STK32B: variants seen among roughly 807,000 people sequenced by gnomAD.
STK32B encodes the protein serine/threonine-protein kinase 32B.
STK32B carries 43 observed loss-of-function variants against 52.6 expected under a neutral mutation model. The ratio of observed to expected loss-of-function variants is 0.82; its 90% CI spans 0.64 to 1.05. STK32B has a LOEUF of 1.05. Among genes scored for constraint, STK32B ranks in the 50% least tolerant of loss-of-function variants. STK32B has a pLI of 0.00. For missense variants in STK32B, 621 were observed against 534.6 expected (o/e 1.16, Z -1.59); for synonymous variants, 238 against 204.3 (o/e 1.17, Z -1.41).
At chr4:5,155,964 T>C (rs1396257290) in intron 2 of STK32B, among the ~76,000 whole-genome samples, 2 of 152,074 alleles carry the variant, frequency 1.3e-5, no homozygotes, top group Non-Finnish European at 2.9e-5. Context: ...TACATAGATA[T>C]GCATATACAT....
At chr4:5,144,784 TCATCCATCCATCCATCCATCCATCCATC>T (rs112099943) in intron 2 of STK32B, among the ~76,000 whole-genome samples, 32 of 95,616 alleles carry the variant, frequency 3.3e-4, no homozygotes, top group African/African-American at 6.9e-4. Context: ...ACTCATTCAC[TCATCCATCCATCCATCCATCCATCCATC>T]CATCCATCCA....
intron 3 of STK32B, among the ~76,000 whole-genome samples, chr4:5,209,222 C>CT (rs372016919): frequency 1.4e-4 from 22 of 152,088 alleles, no homozygotes; most frequent in African/African-American, 4.8e-4. Flanking sequence ...GTTTACATTT[C>CT]TTTTTTTTCT....
At chr4:5,184,591 G>A (rs1720596571) in intron 3 of STK32B, among the ~76,000 whole-genome samples, 1 of 151,028 alleles carries the variant, frequency 6.6e-6, no homozygotes, top group African/African-American at 2.4e-5. Flanking sequence ...GGGAGGCTGA[G>A]GCAGGAGAAT....
rs544764491 is a variant in STK32B at position 5,080,885 on chromosome 4, A to G, written c.52+28970A>G. Among the ~76,000 whole-genome samples, 3 of 152,302 alleles carry G rather than the reference A, an allele frequency of 2.0e-5. No homozygotes were observed. In the East Asian group the frequency reaches 5.8e-4, roughly 29 times the overall value. On this transcript the variant is annotated intron_variant, in intron 1 of 11. Transcript: ENST00000282908. ...GTAACTCTAGTCACCATGCTGTACC[A>G]TTAGGTCTCCAGAACGATTTGATTT...
At chr4:5,036,261 C>T in the STK32B span, among the ~76,000 whole-genome samples, 1 of 152,238 alleles carries the variant, frequency 6.6e-6, no homozygotes, top group East Asian at 1.9e-4. Flanking sequence ...TTGTTTTGTC[C>T]CCCACTGAGT....
chr4:5,144,966 A>C (rs923398061), intron 2 of STK32B, among the ~76,000 whole-genome samples: 1 of 152,198 alleles, frequency 6.6e-6, no homozygotes, highest in Non-Finnish European at 1.5e-5. Context: ...AGTCAACTAT[A>C]GTCCACTCTG....
intron 3 of STK32B, among the ~76,000 whole-genome samples, chr4:5,211,525 G>C (rs1326211152): frequency 6.8e-6 from 1 of 145,998 alleles, no homozygotes; most frequent in East Asian, 2.1e-4. Context: ...GGACCAGGGG[G>C]AAAGCACTTG....
chr4:5,102,506 C>CTCCG (rs1159690767), intron 1 of STK32B, among the ~76,000 whole-genome samples: 3 of 130,812 alleles, frequency 2.3e-5, no homozygotes, highest in African/African-American at 8.3e-5. Flanking sequence ...CCCTCCCTCC[C>CTCCG]TCCCTCCTTC....
chr4:5,054,342 C>T (rs1431318179), intron 1 of STK32B, among the ~76,000 whole-genome samples: 1 of 152,006 alleles, frequency 6.6e-6, no homozygotes, highest in African/African-American at 2.4e-5. Context: ...GGGTCCCTAA[C>T]TCAGAGTGGG....
In STK32B at chr4:5,051,926, G is replaced by C; in HGVS notation, c.52+11G>C. 2.5e-6 allele frequency: 4 copies of C among 1,587,740 alleles called. No individual in the cohort carries two copies. Among genetic ancestry groups the C allele is most frequent in the Non-Finnish European group, 3.4e-6 (4 of 1,167,650 alleles). ...ACGAGAATGAGGAAGGTAAGAGAGC[G>C]AGAGGTGCGAATTCCCGCTTCGCGG... is the stretch of plus-strand genomic sequence containing the variant. On this transcript the variant is annotated intron_variant, in intron 1 of 11. Coordinates refer to ENST00000282908, the MANE Select transcript of STK32B (RefSeq NM_018401.3).
At chr4:5,370,170 C>G (rs780486011) in intron 4 of STK32B, among the ~76,000 whole-genome samples, 1 of 151,644 alleles carries the variant, frequency 6.6e-6, no homozygotes, top group Non-Finnish European at 1.5e-5. Flanking sequence ...CCACCACGCC[C>G]GACCCTCAAA....
chr4:5,493,451 T>C (rs1719924786), intron 11 of STK32B, among the ~76,000 whole-genome samples: 1 of 152,190 alleles, frequency 6.6e-6, no homozygotes, highest in Non-Finnish European at 1.5e-5. Flanking sequence ...TTATTGCGTG[T>C]ATTTGATTCT....
At chr4:5,120,289 C>T (rs761270458) in intron 1 of STK32B, among the ~76,000 whole-genome samples, 2 of 152,150 alleles carry the variant, frequency 1.3e-5, no homozygotes, top group African/African-American at 2.4e-5. Context: ...TAGCCTAGCG[C>T]TCTGTCACAG....
chr4:5,304,334 T>C (rs1729774485), intron 3 of STK32B, among the ~76,000 whole-genome samples: 1 of 152,142 alleles, frequency 6.6e-6, no homozygotes, highest in Admixed American at 6.6e-5. Flanking sequence ...TCCATCTGTG[T>C]CATCTATGAT....
At chr4:5,201,688 G>A (rs923417889) in intron 3 of STK32B, among the ~76,000 whole-genome samples, 18 of 152,154 alleles carry the variant, frequency 1.2e-4, no homozygotes, top group African/African-American at 3.4e-4. Context: ...ACTTACAATC[G>A]TGGCAGAAGG....
chr4:5,253,217 A>T (rs914822183), intron 3 of STK32B, among the ~76,000 whole-genome samples: 1 of 152,038 alleles, frequency 6.6e-6, no homozygotes, highest in Admixed American at 6.6e-5. Flanking sequence ...CTCTGTCTAG[A>T]GGGAGTTCCC....
intron 1 of STK32B, among the ~76,000 whole-genome samples, chr4:5,132,961 G>C (rs950831243): frequency 5.3e-5 from 8 of 152,072 alleles, no homozygotes; most frequent in African/African-American, 1.4e-4. Flanking sequence ...ACCACTCCTG[G>C]CTAATTTTTG....
chr4:5,190,549 C>A lies in STK32B; in HGVS notation c.260+22099C>A, dbSNP rs77805545. ...TTAAGCACCTACTATGTACTGGGCA[C>A]TGTCCTAAGTACTGGTGATGTATGC... On this transcript the variant is annotated intron_variant, in intron 3 of 11. Coordinates refer to ENST00000282908, the MANE Select transcript of STK32B (RefSeq NM_018401.3). Among the ~76,000 whole-genome samples, 315 of 152,286 alleles carry A rather than the reference C, an allele frequency of 2.1e-3. 7 individuals carry two copies. The East Asian group carries it at 0.051, about 25-fold the overall frequency.
At chr4:5,462,979 A>G (rs1717153367) in intron 9 of STK32B, among the ~76,000 whole-genome samples, 1 of 152,132 alleles carries the variant, frequency 6.6e-6, no homozygotes, top group South Asian at 2.1e-4. Context: ...GCCGGGAGTA[A>G]AGGTTTGGGT....
Sources: gnomAD v4.1 joint callset for allele counts (sites outside exome capture counted in the v4.1 genomes callset) on GRCh38, gnomAD v4.1.1 for gene constraint, MANE v1.5 for transcripts, NCBI Gene and HGNC (gene_info 2026-07-23, HGNC 2026-07-21) for gene names.